The following PDE10A variants were observed in gnomAD, a reference collection of about 807,000 sequenced individuals.
PDE10A encodes phosphodiesterase 10A.
In PDE10A, 39 loss-of-function variants were observed where a neutral mutation model predicts 97.7. The observed-to-expected ratio is 0.40, with a 90% CI of 0.31 to 0.52. PDE10A has a LOEUF of 0.52. Among genes scored for constraint, PDE10A ranks in the 20% least tolerant of loss-of-function variants. The probability of loss-of-function intolerance (pLI) is 0.56; values close to 1 mark genes in which losing one functional copy is unlikely to be tolerated. For missense variants in PDE10A, 731 were observed against 1,047.8 expected (o/e 0.70, Z 4.17); for synonymous variants, 371 against 376.8 (o/e 0.98, Z 0.18).
At chr6:165,549,856 A>T (rs1165778096) in intron 1 of PDE10A, among the ~76,000 whole-genome samples, 1 of 152,162 alleles carries the variant, frequency 6.6e-6, no homozygotes, top group Non-Finnish European at 1.5e-5. Context: ...TTATTGTTTT[A>T]CTCATTCTAA....
chr6:165,387,097 G>C (rs1021651413), intron 17 of PDE10A, among the ~76,000 whole-genome samples: 1 of 152,290 alleles, frequency 6.6e-6, no homozygotes, highest in South Asian at 2.1e-4. Flanking sequence ...AAAGGAAAGA[G>C]CTGGTGTCAA....
chr6:165,376,189 A>G (rs1430112694), intron 18 of PDE10A, among the ~76,000 whole-genome samples: 2 of 152,208 alleles, frequency 1.3e-5, no homozygotes, highest in African/African-American at 4.8e-5. Context: ...GAAAAGATTC[A>G]CCATTCTAGA....
chr6:165,632,872 G>T (rs190707749), intron 1 of PDE10A, among the ~76,000 whole-genome samples: 6 of 152,252 alleles, frequency 3.9e-5, no homozygotes, highest in Non-Finnish European at 7.4e-5. Flanking sequence ...TATTAGAGCT[G>T]TATACCCAAG....
intron 1 of PDE10A, among the ~76,000 whole-genome samples, chr6:165,974,474 T>C (rs1217146049): frequency 6.6e-6 from 1 of 151,994 alleles, no homozygotes; most frequent in East Asian, 1.9e-4. Context: ...CTGGAGAAGG[T>C]AGAAATTCAC....
chr6:165,603,950 CTTGT>C (rs1448893866), intron 1 of PDE10A, among the ~76,000 whole-genome samples: 2 of 152,326 alleles, frequency 1.3e-5, no homozygotes, highest in African/African-American at 4.8e-5. Flanking sequence ...GCTATTTCCA[CTTGT>C]TTAAGTCAAT....
chr6:165,757,451 C>G (rs895675835), intron 1 of PDE10A, among the ~76,000 whole-genome samples: 1 of 151,954 alleles, frequency 6.6e-6, no homozygotes, highest in Middle Eastern at 3.2e-3. Flanking sequence ...TTAGAAAGAC[C>G]ATTTCTATGC....
intron 1 of PDE10A, chr6:165,894,632 G>A: frequency 2.3e-6 from 1 of 431,954 alleles, no homozygotes; most frequent in Non-Finnish European, 4.7e-6. Flanking sequence ...AAGAAGATAA[G>A]CAGTCTTCCC....
At chr6:165,512,060 A>G (rs1781538328) in intron 2 of PDE10A, among the ~76,000 whole-genome samples, 1 of 151,228 alleles carries the variant, frequency 6.6e-6, no homozygotes, top group Non-Finnish European at 1.5e-5. Context: ...TTATTGTCAC[A>G]TTGTTTTTTT....
chr6:165,374,024 G>A (rs1325232427), intron 18 of PDE10A, among the ~76,000 whole-genome samples: 1 of 139,184 alleles, frequency 7.2e-6, no homozygotes, highest in African/African-American at 2.7e-5. Flanking sequence ...GATGGGAATT[G>A]AACAATGAGA....
At chr6:165,677,676 G>A (rs536346253) in intron 1 of PDE10A, among the ~76,000 whole-genome samples, 3 of 152,262 alleles carry the variant, frequency 2.0e-5, no homozygotes, top group Admixed American at 6.5e-5. Flanking sequence ...CTTGAACGTC[G>A]GTGGACTCTG....
intron 17 of PDE10A, among the ~76,000 whole-genome samples, chr6:165,383,123 T>C (rs1479976285): frequency 1.3e-5 from 2 of 152,088 alleles, no homozygotes; most frequent in Admixed American, 1.3e-4. Context: ...TGAAATATGA[T>C]CACATTTCAA....
At chr6:165,529,133 T>C (rs1018378688) in intron 2 of PDE10A, among the ~76,000 whole-genome samples, 5 of 152,170 alleles carry the variant, frequency 3.3e-5, no homozygotes, top group East Asian at 3.9e-4. Flanking sequence ...AACTGGAAGA[T>C]TGCCACAGGG....
chr6:165,726,133 G>A (rs1261705537), intron 1 of PDE10A, among the ~76,000 whole-genome samples: 1 of 152,182 alleles, frequency 6.6e-6, no homozygotes, highest in African/African-American at 2.4e-5. Flanking sequence ...AGAGAGTCGA[G>A]GAGCTGTGTA....
In PDE10A at chr6:165,640,795, T is replaced by C. The variant is rs559860178; in HGVS notation, c.865+21152A>G. Among the ~76,000 whole-genome samples the C allele has an allele frequency of 1.1e-4, 16 of 152,374 alleles. No individual in the cohort carries two copies. In the East Asian group the frequency reaches 3.1e-3, roughly 29 times the overall value. ...ATAAATTTGTTTATAAAATTACTTA[T>C]GAAAATGGTTTACATAATTGGCCAA... is the stretch of plus-strand genomic sequence containing the variant. On this transcript the variant is annotated intron_variant, in intron 1 of 21. Transcript: ENST00000539869.
chr6:165,834,611 C>G (rs903437), intron 1 of PDE10A, among the ~76,000 whole-genome samples: 146,992 of 152,300 alleles, frequency 0.97, 70,970 homozygotes, highest in East Asian at 1. Flanking sequence ...CCAAGAGCAA[C>G]TATTTGCCTT....
Position 165,388,283 on chromosome 6 carries a change from C to T in PDE10A, c.2610+15G>A, listed in dbSNP as rs189344492. Reference sequence around the variant, plus strand: ...GCCCTTCAGACTAAGCGAGAGACGGCGTGCAGTGACTCACCTGGAGGATGG... The same window carrying T: ...GCCCTTCAGACTAAGCGAGAGACGGTGTGCAGTGACTCACCTGGAGGATGG... On this transcript the variant is annotated intron_variant, in intron 17 of 21. Transcript: ENST00000539869. The surrounding 1 kb of genome is among the most constrained non-coding windows in gnomAD (Gnocchi z 4.0). The T allele has an allele frequency of 2.4e-4, 383 of 1,613,104 alleles. 1 individual carries two copies. The Middle Eastern group carries it at 2.5e-3, about 10-fold the overall frequency.
chr6:165,934,284 G>T (rs1783251875), intron 1 of PDE10A, among the ~76,000 whole-genome samples: 1 of 151,468 alleles, frequency 6.6e-6, no homozygotes, highest in African/African-American at 2.4e-5. Context: ...ACAGGTGTGA[G>T]CCACTGCGCC....
intron 18 of PDE10A, among the ~76,000 whole-genome samples, chr6:165,366,517 C>T (rs1254536128): frequency 6.6e-6 from 1 of 152,036 alleles, no homozygotes; most frequent in East Asian, 1.9e-4. Context: ...CTGTCTAGTA[C>T]CTAAAAACTG....
In PDE10A at chr6:165,379,222, A is replaced by G; in HGVS notation, c.2755T>C (p.Ser919Pro). 6.2e-7 allele frequency: 1 copy of G among 1,612,020 alleles called. No individual in the cohort carries two copies. The highest frequency in any genetic ancestry group is 8.5e-7 in the Non-Finnish European group (1 of 1,179,234). The change falls in exon 18 of 22, where the codon TCA becomes CCA. Residue 919 changes from serine to proline, a missense_variant. By Grantham distance (74) the Ser-to-Pro change is moderately conservative. This residue lies in a region of PDE10A where 96 missense variants were observed against 156.7 expected (regional missense o/e 0.61). Coordinates refer to ENST00000539869, the MANE Select transcript of PDE10A (RefSeq NM_001385079.1). ...TGTGATTGATTATTAAGGTTTAGTG[A>G]TCCGGTCTGGTACATCTCTTCCAAC... ...KQLEEMYQTG[S>P]LNLNNQSHRD...
Sources: allele counts gnomAD v4.1 joint callset (sites outside exome capture counted in the v4.1 genomes callset), GRCh38; gene constraint gnomAD v4.1.1; regional missense constraint gnomAD v4.1.1; non-coding constraint Gnocchi (gnomAD v3.1); transcripts MANE v1.5; gene names NCBI Gene and HGNC (gene_info 2026-07-23, HGNC 2026-07-21).